The following SHTN1 variants were observed in gnomAD, a reference collection of about 807,000 sequenced individuals.
The protein encoded by SHTN1 is shootin 1.
A neutral mutation model predicts 83.1 loss-of-function variants in SHTN1; 42 were observed. The observed-to-expected ratio is 0.51, with a 90% CI of 0.39 to 0.65. The LOEUF (loss-of-function observed/expected upper bound fraction) is 0.65. SHTN1 is among the 30% of genes least tolerant of loss of function. The pLI is 0.00. For synonymous variants in SHTN1, 224 were observed against 247.7 expected, an observed-to-expected ratio of 0.90 and a Z score of 0.90; for missense variants, 622 against 737.8, an observed-to-expected ratio of 0.84 and a Z score of 1.82.
chr10:116,934,119 T>C (rs1477421730), intron 9 of SHTN1, among the ~76,000 whole-genome samples: 3 of 152,214 alleles, frequency 2.0e-5, no homozygotes, highest in East Asian at 1.9e-4. Context: ...AGATTGCCTG[T>C]TCACTCTGAT....
intron 1 of SHTN1, among the ~76,000 whole-genome samples, chr10:117,075,497 A>G (rs1853139356): frequency 1.3e-5 from 2 of 152,246 alleles, no homozygotes. Context: ...CAAGAAAAGC[A>G]TGGCCTGGGA....
At chr10:116,892,447 T>G (rs1399779438) in intron 16 of SHTN1, among the ~76,000 whole-genome samples, 2 of 152,226 alleles carry the variant, frequency 1.3e-5, no homozygotes, top group Non-Finnish European at 2.9e-5. Context: ...TAAGTCATCA[T>G]GGAAAATCCA....
intron 2 of SHTN1, among the ~76,000 whole-genome samples, chr10:117,039,759 G>A (rs1202365800): frequency 2.6e-5 from 4 of 151,414 alleles, no homozygotes; most frequent in Admixed American, 2.6e-4. Context: ...AGGCTGAGGT[G>A]GGAGAATGGC....
intron 1 of SHTN1, among the ~76,000 whole-genome samples, chr10:117,103,815 T>C (rs1339333243): frequency 7.2e-5 from 11 of 152,082 alleles, no homozygotes; most frequent in Admixed American, 5.2e-4. Flanking sequence ...GGATTACAGG[T>C]GTGAGCCACC....
chr10:117,094,529 G>A (rs960409254), intron 1 of SHTN1, among the ~76,000 whole-genome samples: 1 of 152,084 alleles, frequency 6.6e-6, no homozygotes, highest in Non-Finnish European at 1.5e-5. Flanking sequence ...TGTTTCTTTA[G>A]AACACTTGGG....
chr10:116,962,815 C>T (rs140555430), intron 3 of SHTN1, among the ~76,000 whole-genome samples: 4 of 151,854 alleles, frequency 2.6e-5, no homozygotes, highest in East Asian at 1.9e-4. Flanking sequence ...TTTTAAATTG[C>T]GCATTAATTT....
rs575961798 is a variant in SHTN1 at position 117,070,472 on chromosome 10, T to C, written c.-188-21962A>G. On this transcript the variant is annotated intron_variant, in intron 1 of 17. Coordinates refer to the SHTN1 transcript ENST00000392901. ...CCTTCCTTATTCCCAGCAAAATAAC[T>C]GCCCAGAATTTAACGAGTTGCAGTC... Among the ~76,000 whole-genome samples the C allele has an allele frequency of 2.6e-5, 4 of 152,246 alleles. No individual in the cohort carries two copies. In the South Asian group the frequency reaches 8.3e-4, roughly 32 times the overall value.
intron 1 of SHTN1, among the ~76,000 whole-genome samples, chr10:117,059,331 A>G (rs2133594231): frequency 6.6e-6 from 1 of 152,324 alleles, no homozygotes. Context: ...ACATGCAACT[A>G]CAACATAGCC....
chr10:117,004,409 C>T (rs1851935139), intron 1 of SHTN1, among the ~76,000 whole-genome samples: 1 of 152,100 alleles, frequency 6.6e-6, no homozygotes. Context: ...GGCTCTCCTT[C>T]GCCCAGCGTC....
chr10:116,917,574 T>A (rs1404740600), intron 12 of SHTN1, among the ~76,000 whole-genome samples: 1 of 152,310 alleles, frequency 6.6e-6, no homozygotes, highest in Non-Finnish European at 1.5e-5. Context: ...AAGAGCTGCA[T>A]GGTGATAGGA....
intron 2 of SHTN1, among the ~76,000 whole-genome samples, chr10:116,976,372 G>T (rs1850807931): frequency 6.6e-6 from 1 of 152,186 alleles, no homozygotes; most frequent in Admixed American, 6.5e-5. Context: ...CATTGATAAG[G>T]TTCATGACCT....
intron 2 of SHTN1, among the ~76,000 whole-genome samples, chr10:117,028,636 C>A (rs951385391): frequency 6.6e-6 from 1 of 152,082 alleles, no homozygotes; most frequent in Non-Finnish European, 1.5e-5. Flanking sequence ...TTCAAAGGGG[C>A]CCAGGTACAA....
At chr10:117,085,332 G>C (rs751133813) in intron 1 of SHTN1, among the ~76,000 whole-genome samples, 1 of 152,086 alleles carries the variant, frequency 6.6e-6, no homozygotes, top group Admixed American at 6.6e-5. Context: ...ATTTTGATAA[G>C]TTGTATTTTT....
intron 2 of SHTN1, among the ~76,000 whole-genome samples, chr10:117,048,204 G>A (rs1852694748): frequency 6.6e-6 from 1 of 152,062 alleles, no homozygotes; most frequent in Non-Finnish European, 1.5e-5. Flanking sequence ...AGATTAAGTG[G>A]CTCTGTGTGC....
chr10:117,119,436 T>C (rs1021673800), intron 1 of SHTN1, among the ~76,000 whole-genome samples: 1 of 152,200 alleles, frequency 6.6e-6, no homozygotes, highest in African/African-American at 2.4e-5. Flanking sequence ...AACAGGCATA[T>C]GAAAAGGTGC....
At chr10:117,058,265 CA>C (rs1852853408) in intron 1 of SHTN1, among the ~76,000 whole-genome samples, 1 of 152,038 alleles carries the variant, frequency 6.6e-6, no homozygotes, top group Non-Finnish European at 1.5e-5. Flanking sequence ...AAAATATTTG[CA>C]AATCACATAA....
intron 1 of SHTN1, among the ~76,000 whole-genome samples, chr10:116,995,246 C>T (rs1851586845): frequency 6.6e-6 from 1 of 151,918 alleles, no homozygotes; most frequent in Non-Finnish European, 1.5e-5. Flanking sequence ...ATGGGAAGAA[C>T]AAAAAGAACT....
intron 2 of SHTN1, among the ~76,000 whole-genome samples, chr10:116,969,842 T>C (rs564429258): frequency 6.6e-6 from 1 of 152,198 alleles, no homozygotes; most frequent in African/African-American, 2.4e-5. Flanking sequence ...CAGGGATATA[T>C]AACAAGATAT....
intron 1 of SHTN1, among the ~76,000 whole-genome samples, chr10:117,081,046 C>T (rs1371166429): frequency 6.6e-6 from 1 of 152,026 alleles, no homozygotes; most frequent in African/African-American, 2.4e-5. Context: ...CACCTAATTG[C>T]CCTGGCCAGA....
Sources: allele counts gnomAD v4.1 joint callset (sites outside exome capture counted in the v4.1 genomes callset), GRCh38; gene constraint gnomAD v4.1.1; transcripts MANE v1.5; gene names NCBI Gene and HGNC (gene_info 2026-07-23, HGNC 2026-07-21).